The following CACNA2D3 variants were observed in gnomAD, a reference collection of about 807,000 sequenced individuals.
CACNA2D3 encodes the protein voltage-dependent calcium channel subunit alpha-2/delta-3.
A neutral mutation model predicts 160.6 loss-of-function variants in CACNA2D3; 60 were observed. The ratio of observed to expected loss-of-function variants is 0.37; its 90% CI spans 0.30 to 0.46. CACNA2D3 has a LOEUF of 0.46. CACNA2D3 is among the 20% of genes least tolerant of loss of function. The pLI is 1.00. For missense variants in CACNA2D3, 1,205 were observed against 1,365.0 expected (o/e 0.88, Z 1.85); for synonymous variants, 558 against 492.9 (o/e 1.13, Z -1.75).
At chr3:54,140,346 C>A (rs1009825592) in intron 2 of CACNA2D3, among the ~76,000 whole-genome samples, 6 of 152,214 alleles carry the variant, frequency 3.9e-5, no homozygotes, top group Non-Finnish European at 7.3e-5. Context: ...AACAGAGATG[C>A]AAAAACACTG....
At chr3:54,476,578 G>A (rs925918012) in intron 4 of CACNA2D3, among the ~76,000 whole-genome samples, 1 of 151,984 alleles carries the variant, frequency 6.6e-6, no homozygotes, top group African/African-American at 2.4e-5. Flanking sequence ...GTTACCTTTT[G>A]ACTTTTTGAT....
chr3:54,893,389 T>C lies in CACNA2D3; in HGVS notation c.2246+1939T>C, dbSNP rs1403234302. Among the ~76,000 whole-genome samples, 12 of 150,024 alleles carry C rather than the reference T, an allele frequency of 8.0e-5. No individual in the cohort carries two copies. The East Asian group carries it at 2.1e-3, about 27-fold the overall frequency. On this transcript the variant is annotated intron_variant, in intron 25 of 37. Transcript: ENST00000474759. ...ACGTGACCCACAGAGTGGGTACTCATTGACAATTTGAATGGATGAAATCTG... is the reference window on the plus strand; with the variant it reads ...ACGTGACCCACAGAGTGGGTACTCACTGACAATTTGAATGGATGAAATCTG...
At chr3:54,228,627 A>C (rs1458569221) in intron 2 of CACNA2D3, among the ~76,000 whole-genome samples, 6 of 152,198 alleles carry the variant, frequency 3.9e-5, no homozygotes, top group African/African-American at 1.4e-4. Context: ...CCCTGAGAAC[A>C]AGGACTTGTG....
Position 54,626,132 on chromosome 3 carries a change from C to T in CACNA2D3, c.964-1655C>T, listed in dbSNP as rs1699094196. 6 of 632,536 alleles carry T rather than the reference C, an allele frequency of 9.5e-6. 1 individual carries two copies. The South Asian group carries it at 1.2e-4, about 12-fold the overall frequency. The allele number at this position is 632,536 out of a possible 1,614,324, so 39.2% of individuals were successfully genotyped here. The stretch of plus-strand genomic sequence containing the variant: ...GGATGCCTTTGGGGAGAAAATAATC[C>T]ATTTCAATAGAAAAAGCAAGGGGAG... On this transcript the variant is annotated intron_variant, in intron 9 of 37. Transcript: ENST00000474759.
intron 9 of CACNA2D3, among the ~76,000 whole-genome samples, chr3:54,584,005 C>T (rs78818394): frequency 1.3e-4 from 20 of 151,906 alleles, no homozygotes; most frequent in East Asian, 1.2e-3. Context: ...TGAATATCAA[C>T]GGAACAACCA....
At chr3:54,689,332 T>G (rs1700529057) in intron 11 of CACNA2D3, among the ~76,000 whole-genome samples, 1 of 152,120 alleles carries the variant, frequency 6.6e-6, no homozygotes, top group African/African-American at 2.4e-5. Context: ...TGCTACTTTC[T>G]CCTCTATCCA....
chr3:54,914,537 G>A (rs570972187), intron 27 of CACNA2D3, among the ~76,000 whole-genome samples: 5 of 152,200 alleles, frequency 3.3e-5, no homozygotes, highest in Admixed American at 2.0e-4. Flanking sequence ...GGAGTAAAAC[G>A]TAGATATGAG....
chr3:54,440,072 C>G (rs1038983710), intron 4 of CACNA2D3, among the ~76,000 whole-genome samples: 1 of 152,156 alleles, frequency 6.6e-6, no homozygotes, highest in Non-Finnish European at 1.5e-5. Flanking sequence ...GTGCCCTCAC[C>G]CTTTCCTTAC....
intron 31 of CACNA2D3, among the ~76,000 whole-genome samples, chr3:54,994,533 CTT>C (rs899775852): frequency 3.9e-5 from 6 of 152,186 alleles, no homozygotes; most frequent in African/African-American, 1.4e-4. Flanking sequence ...ATGAACCACT[CTT>C]TAAAATCCAA....
chr3:54,765,855 A>C (rs552568365), intron 13 of CACNA2D3, among the ~76,000 whole-genome samples: 3 of 152,296 alleles, frequency 2.0e-5, no homozygotes, highest in South Asian at 4.1e-4. Flanking sequence ...GATGTGTCAG[A>C]TCAGTGGGGC....
intron 2 of CACNA2D3, among the ~76,000 whole-genome samples, chr3:54,295,464 C>T (rs1250837752): frequency 6.6e-6 from 1 of 152,164 alleles, no homozygotes; most frequent in Non-Finnish European, 1.5e-5. Context: ...TGGTTTTATA[C>T]ATTTTAGGGA....
chr3:54,491,028 C>T (rs948910269), intron 4 of CACNA2D3, among the ~76,000 whole-genome samples: 8 of 152,312 alleles, frequency 5.3e-5, no homozygotes, highest in African/African-American at 1.7e-4. Flanking sequence ...ATATACGTAT[C>T]TCATTATCCT....
chr3:54,717,840 AGT>A (rs1160779539), intron 11 of CACNA2D3, among the ~76,000 whole-genome samples: 44 of 100,342 alleles, frequency 4.4e-4, no homozygotes, highest in Admixed American at 1.3e-3. Context: ...TGTGTGCGTG[AGT>A]GTGTGTGTGG....
chr3:54,488,516 C>G (rs1701053967), intron 4 of CACNA2D3, among the ~76,000 whole-genome samples: 1 of 152,026 alleles, frequency 6.6e-6, no homozygotes, highest in South Asian at 2.1e-4. Context: ...GGCCCTTGGA[C>G]TCTACACAGT....
chr3:54,210,424 TTGTGTG>T (rs148099415), intron 2 of CACNA2D3, among the ~76,000 whole-genome samples: 1 of 151,292 alleles, frequency 6.6e-6, no homozygotes, highest in Non-Finnish European at 1.5e-5. Flanking sequence ...TGCAAAGTTT[TTGTGTG>T]TGTGTGTGTG....
At chr3:54,821,680 CTTTCTT>C (rs1559594918) in intron 14 of CACNA2D3, among the ~76,000 whole-genome samples, 1 of 129,920 alleles carries the variant, frequency 7.7e-6, no homozygotes, top group African/African-American at 2.8e-5. Flanking sequence ...TTCTTTCTTT[CTTTCTT>C]TCTTTCTTTC....
At chr3:54,641,074 A>G (rs970664396) in intron 10 of CACNA2D3, among the ~76,000 whole-genome samples, 2 of 151,404 alleles carry the variant, frequency 1.3e-5, no homozygotes, top group Non-Finnish European at 2.9e-5. Context: ...TCGATGAAGT[A>G]TTTAAAGATA....
At chr3:54,996,339 G>A (rs1209466126) in intron 31 of CACNA2D3, among the ~76,000 whole-genome samples, 2 of 152,216 alleles carry the variant, frequency 1.3e-5, no homozygotes, top group Non-Finnish European at 2.9e-5. Flanking sequence ...AATTAATTGT[G>A]ATTCCATTTT....
At chr3:54,824,597 T>C (rs373451916) in intron 14 of CACNA2D3, among the ~76,000 whole-genome samples, 3 of 151,876 alleles carry the variant, frequency 2.0e-5, no homozygotes, top group African/African-American at 7.3e-5. Flanking sequence ...GGATATGGAG[T>C]GGAGGCCCCA....
Sources: gnomAD v4.1 joint callset for allele counts (sites outside exome capture counted in the v4.1 genomes callset) on GRCh38, gnomAD v4.1.1 for gene constraint, MANE v1.5 for transcripts, NCBI Gene and HGNC (gene_info 2026-07-23, HGNC 2026-07-21) for gene names.